ZNF486: variants seen among roughly 807,000 people sequenced by gnomAD.
The protein encoded by ZNF486 is zinc finger protein 486.
Under a neutral mutation model 12.8 loss-of-function variants are expected in ZNF486, and 12 were observed. That is an observed-to-expected ratio of 0.94 (90% CI 0.60 to 1.52). The LOEUF (loss-of-function observed/expected upper bound fraction) is 1.52, where lower values mean the gene tolerates loss of function less well. Among genes scored for constraint, ZNF486 ranks in the 40% most tolerant of loss-of-function variants. The pLI, the probability that ZNF486 is intolerant of heterozygous loss-of-function variation, is 0.00. For synonymous variants in ZNF486, 231 were observed against 184.9 expected, an observed-to-expected ratio of 1.25 and a Z score of -2.02; for missense variants, 738 against 545.0, an observed-to-expected ratio of 1.35 and a Z score of -3.53.
At chr19:20,168,848 A>T (rs192882921) in intron 1 of ZNF486, among the ~76,000 whole-genome samples, 4,148 of 147,190 alleles carry the variant, frequency 0.028, 75 homozygotes, top group Non-Finnish European at 0.042. Flanking sequence ...GTTAAAAAAA[A>T]TTTTTTTTTT....
intron 1 of ZNF486, among the ~76,000 whole-genome samples, chr19:20,183,445 A>G (rs1471726207): frequency 6.6e-6 from 1 of 152,238 alleles, no homozygotes; most frequent in Admixed American, 6.5e-5. Context: ...ACTTAAAATT[A>G]CTACTAAAAA....
intron 3 of ZNF486, among the ~76,000 whole-genome samples, chr19:20,190,881 T>C (rs1555717095): frequency 6.6e-6 from 1 of 152,204 alleles, no homozygotes; most frequent in Non-Finnish European, 1.5e-5. Flanking sequence ...ATGTTGGATG[T>C]GGGACCTGGT....
chr19:20,171,793 G>A (rs1191635376), intron 1 of ZNF486, among the ~76,000 whole-genome samples: 2 of 152,130 alleles, frequency 1.3e-5, no homozygotes, highest in Admixed American at 6.5e-5. Flanking sequence ...ATGGGGATTT[G>A]TTGTGCAGAT....
At chr19:20,181,223 C>T (rs541466231) in intron 1 of ZNF486, among the ~76,000 whole-genome samples, 7 of 150,914 alleles carry the variant, frequency 4.6e-5, no homozygotes, top group East Asian at 2.0e-4. Flanking sequence ...GCTCACAATT[C>T]CCTGAATCCC....
intron 1 of ZNF486, among the ~76,000 whole-genome samples, chr19:20,168,380 C>G (rs782378878): frequency 6.6e-6 from 1 of 152,038 alleles, no homozygotes; most frequent in Non-Finnish European, 1.5e-5. Flanking sequence ...AAGGGCCAGG[C>G]GCAGTGGCTC....
Position 20,197,251 on chromosome 19 carries a change from C to G in ZNF486, c.541C>G (p.Pro181Ala). ...TAAAAGAAGACATACTGAAAAAAAA[C>G]CTTTGAAATATATAGAAGGTGACAA... is the stretch of plus-strand genomic sequence containing the variant. ...RHKRRHTEKKPLKYIEGDKAF... is the reference protein window; with the variant it reads ...RHKRRHTEKKALKYIEGDKAF... The change falls in exon 4 of 4, where the codon CCT becomes GCT. Residue 181 changes from proline to alanine, a missense_variant. Physicochemically the swap from Pro to Ala is conservative, Grantham distance 27 (BLOSUM62 -1). Transcript: ENST00000335117. The G allele has an allele frequency of 6.2e-7, 1 of 1,611,558 alleles. No individual in the cohort carries two copies. Among genetic ancestry groups the G allele is most frequent in the East Asian group, 2.2e-5 (1 of 44,858 alleles).
At chr19:20,183,007 T>G (rs901724997) in intron 1 of ZNF486, among the ~76,000 whole-genome samples, 11 of 152,306 alleles carry the variant, frequency 7.2e-5, no homozygotes, top group African/African-American at 2.6e-4. Flanking sequence ...AAACCTTTAC[T>G]TCTCTACTTG....
chr19:20,185,374 A>G (rs1296512377), intron 2 of ZNF486, among the ~76,000 whole-genome samples: 1 of 147,128 alleles, frequency 6.8e-6, no homozygotes, highest in East Asian at 2.0e-4. Flanking sequence ...TGTATTTGTC[A>G]GTTTAGAAAG....
In ZNF486 at chr19:20,197,962, TC is replaced by T. The variant is rs782349869; in HGVS notation, c.1254del (p.Ser419GlnfsTer3). On this transcript the variant is annotated frameshift_variant, in exon 4 of 4. Transcript: ENST00000335117. LOFTEE classifies it low-confidence loss of function (END_TRUNC). The part of the protein sequence containing the change: ...CEECGKAYTT[S>X]SNLTEHKTTH... ...AGAATGTGGCAAAGCGTATACTACA[TC>T]CTCAAATCTAACTGAACATAAGACA... The T allele has an allele frequency of 1.2e-6, 2 of 1,613,714 alleles. No homozygotes were observed. The highest frequency in any genetic ancestry group is 2.2e-5 in the South Asian group (2 of 91,056).
chr19:20,181,698 T>C (rs1433419450), intron 1 of ZNF486, among the ~76,000 whole-genome samples: 2 of 152,188 alleles, frequency 1.3e-5, no homozygotes, highest in African/African-American at 4.8e-5. Context: ...GAAAAGTAAA[T>C]ATGAACAGAA....
chr19:20,191,725 G>T (rs970589547), intron 3 of ZNF486, among the ~76,000 whole-genome samples: 2 of 152,152 alleles, frequency 1.3e-5, no homozygotes, highest in Non-Finnish European at 2.9e-5. Flanking sequence ...AGCTGAGATT[G>T]CGCCACTGTA....
intron 3 of ZNF486, among the ~76,000 whole-genome samples, chr19:20,196,097 C>T (rs782049176): frequency 1.3e-5 from 2 of 152,194 alleles, no homozygotes; most frequent in Non-Finnish European, 2.9e-5. Context: ...TGGCTCACTA[C>T]ATTCTCTGCC....
chr19:20,187,220 C>A (rs1328564290), intron 3 of ZNF486, among the ~76,000 whole-genome samples: 1 of 152,002 alleles, frequency 6.6e-6, no homozygotes, highest in East Asian at 1.9e-4. Flanking sequence ...ACCATACATA[C>A]ACTTGTATGT....
rs184699829 is a variant in ZNF486 at position 20,200,371 on chromosome 19, G to A, written c.*2269G>A. The A allele has an allele frequency of 6.6e-6, 1 of 152,158 alleles. No individual in the cohort carries two copies. Among genetic ancestry groups the A allele is most frequent in the East Asian group, 1.9e-4 (1 of 5,174 alleles). 9.4% of individuals were successfully genotyped at this position (152,158 alleles called of 1,614,324 possible). A position where few individuals can be genotyped will look rare whatever the true frequency, so the allele number is the denominator to read the frequency against. ...GAAGTAATGTATAAGGTAGGTCAGA[G>A]TAATACTTTTCTACATTATAGTGCA... On this transcript the variant is annotated 3_prime_UTR_variant, in exon 4 of 4. Coordinates refer to ENST00000335117, the MANE Select transcript of ZNF486 (RefSeq NM_052852.4).
intron 3 of ZNF486, among the ~76,000 whole-genome samples, chr19:20,193,383 C>T (rs1351101920): frequency 6.6e-6 from 1 of 151,666 alleles, no homozygotes; most frequent in Non-Finnish European, 1.5e-5. Context: ...TAACCTCCAC[C>T]AGGCATGGTG....
chr19:20,167,668 G>C (rs2089599590), intron 1 of ZNF486, among the ~76,000 whole-genome samples: 1 of 152,164 alleles, frequency 6.6e-6, no homozygotes, highest in Non-Finnish European at 1.5e-5. Context: ...GTCATCAGGG[G>C]AGAATCTTGA....
rs781838259 is a variant in ZNF486 at position 20,197,780 on chromosome 19, A to G, written c.1070A>G (p.Lys357Arg). The G allele has an allele frequency of 3.7e-6, 6 of 1,613,928 alleles. 1 individual carries two copies. The Admixed American group carries it at 1.0e-4, about 27-fold the overall frequency. Reference protein sequence around the residue: ...EKPYKCEECGKAFTRSSHLTM... With the variant: ...EKPYKCEECGRAFTRSSHLTM... Reference sequence around the variant, plus strand: ...CCCTACAAATGTGAAGAATGTGGCAAAGCCTTCACCCGCTCCTCACACCTT... The same window carrying G: ...CCCTACAAATGTGAAGAATGTGGCAGAGCCTTCACCCGCTCCTCACACCTT... Residue 357 changes from lysine (K) to arginine (R), a missense_variant, in exon 4 of 4, where the codon AAA (lysine) becomes AGA (arginine). Physicochemically the swap from Lys to Arg is conservative, Grantham distance 26. Coordinates refer to ENST00000335117, the MANE Select transcript of ZNF486 (RefSeq NM_052852.4).
In ZNF486 at chr19:20,198,436, T is replaced by C. The variant is rs78999415; in HGVS notation, c.*334T>C. The C allele has an allele frequency of 0.035, 8,691 of 246,714 alleles. 802 individuals carry two copies. Among genetic ancestry groups the C allele is most frequent in the African/African-American group, 0.18 (8,030 of 43,980 alleles). The allele number at this position is 246,714 out of a possible 1,614,324, so 15.3% of individuals were successfully genotyped here. A position where few individuals can be genotyped will look rare whatever the true frequency, so the allele number is the denominator to read the frequency against. On this transcript the variant is annotated 3_prime_UTR_variant, in exon 4 of 4. Coordinates refer to ENST00000335117, the MANE Select transcript of ZNF486 (RefSeq NM_052852.4). Reference sequence around the variant, plus strand: ...TTTTTAAGGAAGTTCTCAACCCTTATTACACATAATTCATACTGGACAGAA... The same window carrying C: ...TTTTTAAGGAAGTTCTCAACCCTTACTACACATAATTCATACTGGACAGAA...
At chr19:20,188,339 A>C (rs1327214141) in intron 3 of ZNF486, 2 of 397,940 alleles carry the variant, frequency 5.0e-6, no homozygotes, top group East Asian at 7.1e-5. Context: ...TCTTTAAAAA[A>C]ATTGTTTTAA....
Sources: gnomAD v4.1 joint callset for allele counts (sites outside exome capture counted in the v4.1 genomes callset) on GRCh38, gnomAD v4.1.1 for gene constraint, MANE v1.5 for transcripts, NCBI Gene and HGNC (gene_info 2026-07-23, HGNC 2026-07-21) for gene names.